Variants in DCDC1 observed in about 807,000 individuals in gnomAD.
DCDC1 encodes doublecortin domain containing 1, also known as doublecortin domain-containing protein 1.
DCDC1 carries 200 observed loss-of-function variants against 178.3 expected under a neutral mutation model. The ratio of observed to expected loss-of-function variants is 1.12; its 90% CI spans 1.00 to 1.26. The LOEUF is 1.26. Among genes scored for constraint, DCDC1 ranks in the 50% most tolerant of loss-of-function variants. The pLI is 0.00. For missense variants in DCDC1, 1,983 were observed against 1,749.2 expected, an observed-to-expected ratio of 1.13 and a Z score of -2.38; for synonymous variants, 690 against 604.8, an observed-to-expected ratio of 1.14 and a Z score of -2.07.
intron 15 of DCDC1, among the ~76,000 whole-genome samples, 185 bp from the exon 16 acceptor site, chr11:31,094,369 T>A (rs558310304): frequency 6.6e-6 from 1 of 152,210 alleles, no homozygotes; most frequent in African/African-American, 2.4e-5. Flanking sequence ...AACTCTATTA[T>A]GCAAGACCCT....
chr11:31,361,719 GATCC>G (rs1359256352), intron 1 of DCDC1, among the ~76,000 whole-genome samples: 1 of 152,144 alleles, frequency 6.6e-6, no homozygotes, highest in African/African-American at 2.4e-5. Flanking sequence ...GACCTCGAGT[GATCC>G]ACCCACCTCA....
chr11:30,964,701 TTA>T (rs1010009722), intron 20 of DCDC1, among the ~76,000 whole-genome samples: 7 of 152,232 alleles, frequency 4.6e-5, no homozygotes, highest in Admixed American at 4.6e-4. Context: ...ATAAGTCCAA[TTA>T]TATATATATT....
intron 7 of DCDC1, among the ~76,000 whole-genome samples, chr11:31,277,105 A>C (rs1032394172): frequency 6.6e-6 from 1 of 152,214 alleles, no homozygotes; most frequent in Non-Finnish European, 1.5e-5. Context: ...ACCACCTTCC[A>C]AAATTCCTCA....
intron 7 of DCDC1, among the ~76,000 whole-genome samples, chr11:31,288,294 C>G (rs1190191262): frequency 6.6e-6 from 1 of 151,906 alleles, no homozygotes; most frequent in African/African-American, 2.4e-5. Context: ...TAGCCTATAT[C>G]TTACAGTAGC....
At chr11:31,328,702 T>C (rs567461176) in intron 2 of DCDC1, among the ~76,000 whole-genome samples, 45 of 151,732 alleles carry the variant, frequency 3.0e-4, no homozygotes, top group African/African-American at 9.2e-4. Flanking sequence ...TCCCAGCTAC[T>C]TGGGAGGCTG....
In DCDC1 at chr11:30,881,239, C is replaced by G; in HGVS notation, c.5152G>C (p.Glu1718Gln). The G allele has an allele frequency of 1.2e-6, 2 of 1,613,558 alleles. No homozygotes were observed. The highest frequency in any genetic ancestry group is 1.7e-6 in the Non-Finnish European group (2 of 1,179,628). ...PARALYTPSG[E>Q]PIQSWDDIER... The stretch of plus-strand genomic sequence containing the variant: ...ATGTCGTCCCAGGACTGAATTGGCT[C>G]TCCACTGGGGGTGTACAGTGCTCTA... Residue 1718 changes from glutamate (E) to glutamine (Q), a missense_variant, in exon 37 of 39, where the codon GAG (glutamate) becomes CAG (glutamine). Transcript: ENST00000684477.
intron 8 of DCDC1, among the ~76,000 whole-genome samples, chr11:31,251,808 G>C (rs1159457001): frequency 2.0e-5 from 3 of 152,080 alleles, no homozygotes; most frequent in Non-Finnish European, 4.4e-5. Context: ...TAGGGTGAGA[G>C]AGAATCCAAG....
At position 31,290,871 on chromosome 11, in the gene DCDC1, A is replaced by G. The variant is rs1469118657; in HGVS notation, c.755-19T>C. On this transcript the variant is annotated intron_variant, in intron 6 of 38. Transcript: ENST00000684477. ...AGATGGTCTAGAAGATAATTTTTTA[A>G]GTCAAGTCAATATTTGGCTTCAAAA... 1 of 1,599,904 alleles carries G rather than the reference A, an allele frequency of 6.3e-7. No homozygotes were observed. Among genetic ancestry groups the G allele is most frequent in the African/African-American group, 1.4e-5 (1 of 74,062 alleles).
rs753311306 is a variant in DCDC1 at position 31,094,090 on chromosome 11, G to A, written c.2078C>T (p.Ser693Leu). 12 of 766,114 alleles carry A rather than the reference G, an allele frequency of 1.6e-5. No individual in the cohort carries two copies. The highest frequency in any genetic ancestry group is 1.2e-4 in the East Asian group (5 of 41,230). The allele number at this position is 766,114 out of a possible 1,614,324, so 47.5% of individuals were successfully genotyped here. A position where few individuals can be genotyped will look rare whatever the true frequency, so the allele number is the denominator to read the frequency against. ...CACACTGGCTACAGGCCACAGGATC[G>A]ATGGCGCTATTTGACTCCTGCTGCT... Reference protein sequence around the residue: ...EASSRSQIAPSILWPVASVWL... With the variant: ...EASSRSQIAPLILWPVASVWL... The change falls in exon 16 of 39, where the codon TCG becomes TTG. Residue 693 changes from serine to leucine, a missense_variant. Transcript: ENST00000684477.
rs1358536377 is a variant in DCDC1 at position 30,952,454 on chromosome 11, T to C, written c.2706A>G (p.Gln902=). 6.4e-7 allele frequency: 1 copy of C among 1,567,084 alleles called. No homozygotes were observed. The highest frequency in any genetic ancestry group is 1.7e-5 in the Admixed American group (1 of 58,444). ...AGCTAAGCAACACAACCTCATTAAG[T>C]TGGCCACTGGGAAGGACAGGCCACA... The part of the protein sequence containing the change: ...TYMWPVLPSG[Q]LNEEFDWPIQ... The change falls in exon 21 of 39, where the codon CAA becomes CAG. Residue 902 remains glutamine, a synonymous_variant. Coordinates refer to ENST00000684477, the MANE Select transcript of DCDC1 (RefSeq NM_001387274.1).
chr11:31,267,869 T>C (rs900208015), intron 7 of DCDC1, among the ~76,000 whole-genome samples: 1 of 152,254 alleles, frequency 6.6e-6, no homozygotes, highest in African/African-American at 2.4e-5. Flanking sequence ...TTTAATACTC[T>C]AATTAACACA....
At chr11:31,298,639 C>T (rs1335670056) in intron 6 of DCDC1, among the ~76,000 whole-genome samples, 1 of 152,102 alleles carries the variant, frequency 6.6e-6, no homozygotes, top group Non-Finnish European at 1.5e-5. Context: ...TTATTTTTAA[C>T]CAAACCATGA....
chr11:31,021,525 G>A (rs1952878764), intron 20 of DCDC1, among the ~76,000 whole-genome samples: 1 of 152,118 alleles, frequency 6.6e-6, no homozygotes, highest in Non-Finnish European at 1.5e-5. Context: ...GAATGGGAAT[G>A]CTTTCATATT....
chr11:31,147,964 C>A lies in DCDC1; in HGVS notation c.1222-10180G>T, dbSNP rs567453469. On this transcript the variant is annotated intron_variant, in intron 9 of 38. Transcript: ENST00000684477. ...ATCTCTTAAGAGAGAGGCTGATTGGCCTGGCTGGGGTCAGGGGCCCACCCC... is the reference window on the plus strand; with the variant it reads ...ATCTCTTAAGAGAGAGGCTGATTGGACTGGCTGGGGTCAGGGGCCCACCCC... Among the ~76,000 whole-genome samples, 3 of 152,188 alleles carry A rather than the reference C, an allele frequency of 2.0e-5. No individual in the cohort carries two copies. The South Asian group carries it at 6.2e-4, about 32-fold the overall frequency.
intron 10 of DCDC1, among the ~76,000 whole-genome samples, chr11:31,137,327 T>C (rs971234052): frequency 1.6e-4 from 24 of 151,652 alleles, no homozygotes; most frequent in Non-Finnish European, 4.4e-5. Context: ...AAAATTTATC[T>C]TCATTTTAAA....
chr11:31,151,666 T>C (rs950543712), intron 9 of DCDC1, among the ~76,000 whole-genome samples: 4 of 152,204 alleles, frequency 2.6e-5, no homozygotes, highest in Admixed American at 6.5e-5. Flanking sequence ...CCTAGGCACA[T>C]GTATAGAAAT....
At chr11:30,918,322 C>A (rs558938279) in intron 25 of DCDC1, among the ~76,000 whole-genome samples, 3 of 152,228 alleles carry the variant, frequency 2.0e-5, no homozygotes, top group African/African-American at 7.2e-5. Flanking sequence ...TTTGTTCATT[C>A]ATAGAACAAA....
chr11:31,263,848 C>A (rs1944962407), intron 8 of DCDC1, among the ~76,000 whole-genome samples: 1 of 152,146 alleles, frequency 6.6e-6, no homozygotes, highest in South Asian at 2.1e-4. Context: ...TATCTTGGCC[C>A]TCCTCAAGCA....
chr11:30,999,276 T>A (rs1951440492), intron 20 of DCDC1, among the ~76,000 whole-genome samples: 1 of 152,182 alleles, frequency 6.6e-6, no homozygotes, highest in Non-Finnish European at 1.5e-5. Flanking sequence ...TTGTACCAAC[T>A]CTGATTTATT....
Sources: allele counts gnomAD v4.1 joint callset (sites outside exome capture counted in the v4.1 genomes callset), GRCh38; gene constraint gnomAD v4.1.1; transcripts MANE v1.5; gene names NCBI Gene and HGNC (gene_info 2026-07-23, HGNC 2026-07-21).